CWF19L2: variants seen among roughly 807,000 people sequenced by gnomAD.
The protein encoded by CWF19L2 is CWF19-like protein 2.
A neutral mutation model predicts 111.7 loss-of-function variants in CWF19L2; 98 were observed. The observed-to-expected ratio is 0.88, with a 90% confidence interval of 0.75 to 1.04. CWF19L2 has a LOEUF of 1.04. Ranked by LOEUF, CWF19L2 falls within the 50% of genes least tolerant of loss-of-function variation. CWF19L2 has a pLI of 0.00. For synonymous variants in CWF19L2, 351 were observed against 342.9 expected, an observed-to-expected ratio of 1.02 and a Z score of -0.26; for missense variants, 1,101 against 1,051.4, an observed-to-expected ratio of 1.05 and a Z score of -0.65.
chr11:107,365,290 T>C (rs1287669987), intron 12 of CWF19L2, among the ~76,000 whole-genome samples: 3 of 134,928 alleles, frequency 2.2e-5, no homozygotes, highest in South Asian at 2.5e-4. Flanking sequence ...TTCCAATCAA[T>C]AGAAAAAGAG....
At chr11:107,388,048 T>G (rs1419691834) in intron 12 of CWF19L2, among the ~76,000 whole-genome samples, 1 of 152,176 alleles carries the variant, frequency 6.6e-6, no homozygotes, top group Admixed American at 6.5e-5. Flanking sequence ...TTCTTCTACT[T>G]GAAATAATCT....
At chr11:107,362,161 T>A (rs1860357485) in intron 12 of CWF19L2, among the ~76,000 whole-genome samples, 1 of 151,690 alleles carries the variant, frequency 6.6e-6, no homozygotes, top group South Asian at 2.1e-4. Context: ...CGCACCTGGC[T>A]CGGAGGGTCC....
In CWF19L2 at chr11:107,452,824, C is replaced by T. The variant is rs7946877; in HGVS notation, c.339+1626G>A. On this transcript the variant is annotated intron_variant, in intron 3 of 17. Coordinates refer to ENST00000282251, the MANE Select transcript of CWF19L2 (RefSeq NM_152434.3). ...TCGACAATATAGTAAGACTCCATGTCTACAAAAACAACTTTTCTGTACTAC... is the reference window on the plus strand; with the variant it reads ...TCGACAATATAGTAAGACTCCATGTTTACAAAAACAACTTTTCTGTACTAC... 5.5e-3 allele frequency among the ~76,000 whole-genome samples: 832 copies of T among 152,174 alleles called. 4 individuals carry two copies. The highest frequency in any genetic ancestry group is 0.019 in the African/African-American group (782 of 41,516).
intron 2 of CWF19L2, 27 bp downstream of exon 2, chr11:107,455,639 A>C: frequency 2.3e-6 from 3 of 1,293,700 alleles, no homozygotes; most frequent in Non-Finnish European, 3.2e-6. Context: ...AGATATCCTT[A>C]CATCACGTAA....
chr11:107,429,021 C>T lies in CWF19L2; in HGVS notation c.1211G>A (p.Gly404Asp). 1 of 1,613,762 alleles carries T rather than the reference C, an allele frequency of 6.2e-7. No homozygotes were observed. ...ACTGTTCTTGGTGGGTTTTCTAAAA[C>T]CACTACACAAAGAGCCCTGAGCTAC... ...ALVAQGSLCS[G>D]FRKPTKNSEE... The change falls in exon 8 of 18, where the codon GGT becomes GAT. Residue 404 changes from glycine (G) to aspartate (D), a missense_variant. Transcript: ENST00000282251.
intron 3 of CWF19L2, among the ~76,000 whole-genome samples, chr11:107,450,203 A>C (rs1861758887): frequency 6.6e-6 from 1 of 152,136 alleles, no homozygotes; most frequent in African/African-American, 2.4e-5. Flanking sequence ...CAAGACTTTG[A>C]GACCAGGCTG....
rs961282053 is a variant in CWF19L2 at position 107,411,366 on chromosome 11, T to C, written c.1617+4843A>G. Among the ~76,000 whole-genome samples the C allele has an allele frequency of 4.5e-4, 68 of 152,274 alleles. 1 individual carries two copies. Among genetic ancestry groups the C allele is most frequent in the African/African-American group, 1.6e-3 (67 of 41,566 alleles). On this transcript the variant is annotated intron_variant, in intron 10 of 17. Transcript: ENST00000282251. Reference sequence around the variant, plus strand: ...TATAGTAATAGCTCTGCAACCTTTTTTGATATAAAATTTATTTCACTTTAA... The same window carrying C: ...TATAGTAATAGCTCTGCAACCTTTTCTGATATAAAATTTATTTCACTTTAA...
At chr11:107,379,014 A>G (rs1363052497) in intron 12 of CWF19L2, among the ~76,000 whole-genome samples, 1 of 152,146 alleles carries the variant, frequency 6.6e-6, no homozygotes, top group Non-Finnish European at 1.5e-5. Context: ...AGATAGTAGT[A>G]CTACACAATG....
chr11:107,457,779 T>G lies in CWF19L2; in HGVS notation c.38A>C (p.Glu13Ala), dbSNP rs1462585024. The change falls in exon 1 of 18, where the codon GAA becomes GCA. Residue 13 changes from glutamate (E) to alanine (A), a missense_variant. Transcript: ENST00000282251. ...TSMAAASGRF[E>A]SAKSIEERKE... ...CCGCTCTTCGATACTCTTCGCACTT[T>G]CAAATCTACCACTAGCAGCCGCCAT... The G allele has an allele frequency of 3.2e-6, 5 of 1,551,638 alleles. No homozygotes were observed. Among genetic ancestry groups the G allele is most frequent in the Non-Finnish European group, 4.4e-6 (5 of 1,146,992 alleles).
At chr11:107,400,585 C>CA (rs1207360551) in intron 10 of CWF19L2, among the ~76,000 whole-genome samples, 2 of 151,382 alleles carry the variant, frequency 1.3e-5, no homozygotes, top group Non-Finnish European at 2.9e-5. Flanking sequence ...AAATTAACAA[C>CA]AAAAAAAAGT....
intron 16 of CWF19L2, among the ~76,000 whole-genome samples, chr11:107,333,610 TTTTG>T (rs1783233516): frequency 6.6e-6 from 1 of 152,164 alleles, no homozygotes; most frequent in Non-Finnish European, 1.5e-5. Context: ...AGAGTTTTTG[TTTTG>T]TTTTACTTTG....
chr11:107,338,859 A>G (rs915604615), intron 14 of CWF19L2, among the ~76,000 whole-genome samples: 2 of 152,202 alleles, frequency 1.3e-5, no homozygotes, highest in East Asian at 3.8e-4. Flanking sequence ...TGCTATTGTG[A>G]ATAGTGCTGC....
At chr11:107,346,261 T>C (rs1048617837) in intron 14 of CWF19L2, among the ~76,000 whole-genome samples, 5 of 152,198 alleles carry the variant, frequency 3.3e-5, no homozygotes, top group African/African-American at 1.2e-4. Context: ...TATAAAGTTA[T>C]CAAGTTATCC....
intron 7 of CWF19L2, among the ~76,000 whole-genome samples, chr11:107,431,999 A>G (rs548845001): frequency 3.8e-4 from 58 of 152,306 alleles, no homozygotes; most frequent in Non-Finnish European, 7.1e-4. Flanking sequence ...GCACTCAAGT[A>G]AGTACAGCTG....
intron 12 of CWF19L2, among the ~76,000 whole-genome samples, chr11:107,381,119 C>T (rs187732454): frequency 3.7e-4 from 57 of 152,090 alleles, no homozygotes; most frequent in Non-Finnish European, 8.8e-5. Context: ...GAGCTTCTGT[C>T]TGAGATAATG....
intron 10 of CWF19L2, among the ~76,000 whole-genome samples, chr11:107,411,210 A>C (rs1267057581): frequency 6.6e-6 from 1 of 152,062 alleles, no homozygotes; most frequent in East Asian, 1.9e-4. Flanking sequence ...TTCTATAAAG[A>C]TCTCTCCTGC....
chr11:107,353,614 A>T lies in CWF19L2; in HGVS notation c.1995T>A (p.His665Gln). Residue 665 changes from histidine (H) to glutamine (Q), a missense_variant, in exon 13 of 18, where the codon CAT (histidine) becomes CAA (glutamine). Physicochemically the swap from His to Gln is conservative, Grantham distance 24. Coordinates refer to ENST00000282251, the MANE Select transcript of CWF19L2 (RefSeq NM_152434.3). ...TTTCCATTTGTGCAGCAAGACTCCG[A>T]TGCTCAGCAATAGCTTTTTTCCTTT... ...ENQRKKAIAE[H>Q]RSLAAQMEKC... is the part of the protein sequence containing the mutation. 1 of 1,613,822 alleles carries T rather than the reference A, an allele frequency of 6.2e-7. No individual in the cohort carries two copies. Among genetic ancestry groups the T allele is most frequent in the Non-Finnish European group, 8.5e-7 (1 of 1,179,780 alleles).
intron 6 of CWF19L2, among the ~76,000 whole-genome samples, chr11:107,436,085 C>T (rs963747663): frequency 4.7e-5 from 7 of 150,354 alleles, no homozygotes; most frequent in African/African-American, 1.5e-4. Flanking sequence ...ACCCAGGAGG[C>T]AGAGGCTGCA....
chr11:107,429,233 A>G lies in CWF19L2; in HGVS notation c.999T>C (p.Ile333=). 1 of 1,612,434 alleles carries G rather than the reference A, an allele frequency of 6.2e-7. No homozygotes were observed. The highest frequency in any genetic ancestry group is 1.1e-5 in the South Asian group (1 of 90,602). ...CAGGTCTCTTATCTTTTTCATCACC[A>G]ATAAATTTTTCATTATTGCTATTTT... ...TAKNSNNEKF[I]GDEKDKRPGS... The change falls in exon 8 of 18, where the codon ATT becomes ATC. Residue 333 remains isoleucine (I), a synonymous_variant. Coordinates refer to ENST00000282251, the MANE Select transcript of CWF19L2 (RefSeq NM_152434.3).
Sources: gnomAD v4.1 joint callset for allele counts (sites outside exome capture counted in the v4.1 genomes callset) on GRCh38, gnomAD v4.1.1 for gene constraint, MANE v1.5 for transcripts, NCBI Gene and HGNC (gene_info 2026-07-23, HGNC 2026-07-21) for gene names.